PRPS2: variants seen among roughly 807,000 people sequenced by gnomAD.
PRPS2 encodes the protein ribose-phosphate pyrophosphokinase 2.
For synonymous variants in PRPS2, 111 were observed against 115.3 expected, an observed-to-expected ratio of 0.96 and a Z score of 0.24; for missense variants, 104 against 271.5, an observed-to-expected ratio of 0.38 and a Z score of 4.34.
At chrX:12,809,474 A>G in intron 3 of PRPS2, 142 bp downstream of exon 3, 1 of 624,549 alleles carries the variant, frequency 1.6e-6, no homozygotes. Context: ...ATAATTTGAT[A>G]TTAGTACTTC....
intron 4 of PRPS2, among the ~76,000 whole-genome samples, chrX:12,813,843 C>G (rs1451920791): frequency 9.0e-6 from 1 of 111,667 alleles, no homozygotes; most frequent in Non-Finnish European, 1.9e-5. Context: ...ATTTCTTCTC[C>G]TATTTTGTAT....
At chrX:12,804,862 G>T (rs1315496068) in intron 2 of PRPS2, among the ~76,000 whole-genome samples, 1 of 111,284 alleles carries the variant, frequency 9.0e-6, no homozygotes, top group Admixed American at 9.5e-5. Flanking sequence ...AAGACTTTCT[G>T]TTGTGCTGTT....
At chrX:12,818,042 A>G (rs912967597) in intron 4 of PRPS2, among the ~76,000 whole-genome samples, 5 of 111,548 alleles carry the variant, frequency 4.5e-5, no homozygotes, top group African/African-American at 1.3e-4. Flanking sequence ...CTCCAAGGAT[A>G]AATTCTGTGT....
chrX:12,801,213 C>G (rs371859543), intron 2 of PRPS2, among the ~76,000 whole-genome samples: 4 of 54,861 alleles, frequency 7.3e-5, no homozygotes, highest in Admixed American at 4.4e-4. Context: ...TGATAGATTG[C>G]GTGCGCACGT....
At chrX:12,814,108 T>G (rs2042636983) in intron 4 of PRPS2, among the ~76,000 whole-genome samples, 1 of 103,697 alleles carries the variant, frequency 9.6e-6, no homozygotes, top group South Asian at 5.0e-4. Context: ...AACTATTTAT[T>G]AAATAATCCA....
chrX:12,818,985 G>T (rs1036622424), intron 4 of PRPS2, among the ~76,000 whole-genome samples: 1 of 111,557 alleles, frequency 9.0e-6, no homozygotes, highest in Non-Finnish European at 1.9e-5. Context: ...ACGATGCCAT[G>T]CCTGGCACCA....
intron 3 of PRPS2, 63 bp downstream of exon 3, chrX:12,809,395 A>G: frequency 9.4e-7 from 1 of 1,064,337 alleles, no homozygotes; most frequent in East Asian, 3.1e-5. Context: ...AATCTTAGGT[A>G]ACATTACTTG....
chrX:12,819,271 T>C (rs182456573), intron 4 of PRPS2, among the ~76,000 whole-genome samples: 54 of 112,658 alleles, frequency 4.8e-4, no homozygotes, highest in Admixed American at 4.4e-3. Context: ...TTCTATCCAG[T>C]GGCCAGGGTG....
intron 1 of PRPS2, among the ~76,000 whole-genome samples, chrX:12,795,603 T>TGA (rs1480310334): frequency 1.8e-5 from 2 of 111,683 alleles, no homozygotes; most frequent in African/African-American, 6.5e-5. Flanking sequence ...AGAGCATATT[T>TGA]GAGAGAGAGC....
chrX:12,806,896 C>G (rs2042596159), intron 2 of PRPS2, among the ~76,000 whole-genome samples: 1 of 111,473 alleles, frequency 9.0e-6, no homozygotes, highest in Non-Finnish European at 1.9e-5. Context: ...CGAGACCAGT[C>G]TGACCAACAT....
chrX:12,813,220 G>A (rs2042632446), intron 4 of PRPS2, among the ~76,000 whole-genome samples: 1 of 111,958 alleles, frequency 8.9e-6, no homozygotes. Context: ...GTGCTTTTCT[G>A]AAAAACTCAC....
chrX:12,806,315 A>G (rs944028869), intron 2 of PRPS2, among the ~76,000 whole-genome samples: 1 of 111,945 alleles, frequency 8.9e-6, no homozygotes, highest in Admixed American at 9.5e-5. Flanking sequence ...AAGCCTGTCA[A>G]TTTTACACTT....
intron 4 of PRPS2, among the ~76,000 whole-genome samples, chrX:12,813,284 C>T (rs2042632765): frequency 8.9e-6 from 1 of 112,140 alleles, no homozygotes; most frequent in Admixed American, 9.5e-5. Context: ...GTGCAATATT[C>T]CCTTGTGTGC....
chrX:12,794,515 C>T (rs892081299), intron 1 of PRPS2, among the ~76,000 whole-genome samples: 1 of 111,932 alleles, frequency 8.9e-6, no homozygotes, highest in Non-Finnish European at 1.9e-5. Context: ...AGACCCTGCT[C>T]CTTGATGGGA....
Position 12,791,445 on chromosome X carries a change from G to GCCTCCGCCACCT in PRPS2, c.-44_-33dup. ...AGCCTCCCGCGTCGCTGTCGCTGTTGCCTCCGCCACCTCCTCCGCCGCCGC... is the reference window on the plus strand; with the variant it reads ...AGCCTCCCGCGTCGCTGTCGCTGTTGCCTCCGCCACCTCCTCCGCCACCTCCTCCGCCGCCGC... On this transcript the variant is annotated 5_prime_UTR_variant, in exon 1 of 7. Coordinates refer to ENST00000380668, the MANE Select transcript of PRPS2 (RefSeq NM_002765.5). 2 of 1,173,297 alleles carry GCCTCCGCCACCT rather than the reference G, an allele frequency of 1.7e-6. No individual in the cohort carries two copies. Among genetic ancestry groups the GCCTCCGCCACCT allele is most frequent in the Non-Finnish European group, 2.3e-6 (2 of 875,294 alleles).
At chrX:12,793,447 A>G (rs1260551914) in intron 1 of PRPS2, among the ~76,000 whole-genome samples, 1 of 112,917 alleles carries the variant, frequency 8.9e-6, no homozygotes, top group East Asian at 2.8e-4. Flanking sequence ...TTGGCATTTT[A>G]TAACCATCAC....
Position 12,820,550 on chromosome X carries a change from C to G in PRPS2, c.705-94C>G. 8 of 940,644 alleles carry G rather than the reference C, an allele frequency of 8.5e-6. No homozygotes were observed. The South Asian group carries it at 1.9e-4, about 22-fold the overall frequency. 77.5% of individuals were successfully genotyped at this position (940,644 alleles called of 1,213,427 possible). A position where few individuals can be genotyped will look rare whatever the true frequency, so the allele number is the denominator to read the frequency against. Reference sequence around the variant, plus strand: ...TGAAATTTGTTGCATTTTTCTTTTACGGAGCACACTTTGTGCTTTTACCAT... The same window carrying G: ...TGAAATTTGTTGCATTTTTCTTTTAGGGAGCACACTTTGTGCTTTTACCAT... On this transcript the variant is annotated intron_variant, in intron 5 of 6. Transcript: ENST00000380668.
At chrX:12,803,514 G>A (rs2407939) in intron 2 of PRPS2, among the ~76,000 whole-genome samples, 3 of 112,367 alleles carry the variant, frequency 2.7e-5, no homozygotes, top group Non-Finnish European at 3.8e-5. Flanking sequence ...GTCTTGAATA[G>A]GAATTCTCCT....
intron 4 of PRPS2, among the ~76,000 whole-genome samples, chrX:12,812,279 C>T (rs758177267): frequency 1.8e-5 from 2 of 111,804 alleles, no homozygotes; most frequent in East Asian, 2.8e-4. Flanking sequence ...GGTACAGGAG[C>T]GAGCGTCAGA....
Sources: allele counts gnomAD v4.1 joint callset (sites outside exome capture counted in the v4.1 genomes callset), GRCh38; gene constraint gnomAD v4.1.1; transcripts MANE v1.5; gene names NCBI Gene and HGNC (gene_info 2026-07-23, HGNC 2026-07-21).